Variants in HSPH1 observed in about 807,000 individuals in gnomAD.
HSPH1 encodes the protein heat shock protein family H (Hsp110) member 1.
Under a neutral mutation model 100.0 loss-of-function variants are expected in HSPH1, and 40 were observed. The ratio of observed to expected loss-of-function variants is 0.40; its 90% CI spans 0.31 to 0.52. HSPH1 has a LOEUF of 0.52. Among genes scored for constraint, HSPH1 ranks in the 20% least tolerant of loss-of-function variants. The probability of loss-of-function intolerance (pLI) is 0.54; values close to 1 mark genes in which losing one functional copy is unlikely to be tolerated. For synonymous variants in HSPH1, 403 were observed against 344.0 expected (o/e 1.17, Z -1.90); for missense variants, 876 against 1,015.1 (o/e 0.86, Z 1.86).
chr13:31,139,160 C>A, intron 14 of HSPH1, 53 bp from the exon 15 acceptor site: 1 of 1,141,074 alleles, frequency 8.8e-7, no homozygotes, highest in Non-Finnish European at 1.3e-6. Context: ...GAATTTTTCA[C>A]AACAAAACAA....
intron 8 of HSPH1, 123 bp downstream of exon 8, chr13:31,149,831 G>T: frequency 1.4e-6 from 1 of 732,424 alleles, no homozygotes; most frequent in Non-Finnish European, 2.4e-6. Context: ...AGCTTTACGG[G>T]TTTGTTTAAA....
chr13:31,144,704 A>G (rs1415581233), intron 11 of HSPH1, among the ~76,000 whole-genome samples: 4 of 152,130 alleles, frequency 2.6e-5, no homozygotes, highest in Non-Finnish European at 4.4e-5. Flanking sequence ...TAAGGTCAAG[A>G]TTCTAAGATA....
In HSPH1 at chr13:31,158,836, AT is replaced by A; in HGVS notation, c.134del (p.Asn45IlefsTer43). On this transcript the variant is annotated frameshift_variant, in exon 2 of 18. Transcript: ENST00000320027. LOFTEE classifies it high-confidence loss of function. ...TTTTGGCTGCAACTCCGATTGTTCT[AT>A]TTTTTGATCCAAATGATATGACTGA... Reference protein sequence around the residue: ...TPSVISFGSKNRTIGVAAKNQ... With the variant: ...TPSVISFGSKXRTIGVAAKNQ... 1.2e-6 allele frequency: 2 copies of A among 1,604,194 alleles called. No individual in the cohort carries two copies. Among genetic ancestry groups the A allele is most frequent in the Non-Finnish European group, 1.7e-6 (2 of 1,171,112 alleles).
chr13:31,151,754 A>T lies in HSPH1; in HGVS notation c.530-12T>A. ...GTAATTCAAAGCAACTACAAAAAAT[A>T]AGTATGTTTCAATTCTTTGGTTCAC... On this transcript the variant is annotated splice_polypyrimidine_tract_variant and intron_variant, in intron 5 of 17. Coordinates refer to ENST00000320027, the MANE Select transcript of HSPH1 (RefSeq NM_006644.4). 6.3e-7 allele frequency: 1 copy of T among 1,597,116 alleles called. No homozygotes were observed. The highest frequency in any genetic ancestry group is 8.5e-7 in the Non-Finnish European group (1 of 1,173,658).
Position 31,151,715 on chromosome 13 carries a change from T to C in HSPH1, c.557A>G (p.Gln186Arg), listed in dbSNP as rs1273208636. Residue 186 changes from glutamine (Q) to arginine (R), a missense_variant, in exon 6 of 18, where the codon CAG (glutamine) becomes CGG (arginine). Physicochemically the swap from Gln to Arg is conservative, Grantham distance 43. Transcript: ENST00000320027. The part of the protein sequence containing the change: ...AVALNYGIYK[Q>R]DLPSLDEKPR... ...TTTCTCATCCAGGCTTGGGAGATCCTGCTTATAAATTCCGTAATTCAAAGC... is the reference window on the plus strand; with the variant it reads ...TTTCTCATCCAGGCTTGGGAGATCCCGCTTATAAATTCCGTAATTCAAAGC... 1.1e-5 allele frequency: 18 copies of C among 1,610,142 alleles called. No individual in the cohort carries two copies. The highest frequency in any genetic ancestry group is 1.5e-5 in the Non-Finnish European group (18 of 1,178,560).
chr13:31,137,585 G>A, intron 17 of HSPH1, 61 bp from the exon 18 acceptor site: 1 of 1,213,874 alleles, frequency 8.2e-7, no homozygotes, highest in Middle Eastern at 2.1e-4. Flanking sequence ...ATTTTCAACT[G>A]CTTCTCCACA....
Position 31,136,839 on chromosome 13 carries a change from A to C in HSPH1, c.*479T>G, listed in dbSNP as rs1955897310. ...TTGAATTTTTAATATCAAAGCAAAAAGTCATTTTCTCTTGGACAGAAATGG... is the reference window on the plus strand; with the variant it reads ...TTGAATTTTTAATATCAAAGCAAAACGTCATTTTCTCTTGGACAGAAATGG... On this transcript the variant is annotated 3_prime_UTR_variant, in exon 18 of 18. Coordinates refer to ENST00000320027, the MANE Select transcript of HSPH1 (RefSeq NM_006644.4). 1.1e-5 allele frequency: 2 copies of C among 188,150 alleles called. No individual in the cohort carries two copies. Among genetic ancestry groups the C allele is most frequent in the South Asian group, 2.2e-4 (2 of 9,154 alleles). 11.7% of individuals were successfully genotyped at this position (188,150 alleles called of 1,614,324 possible). A position where few individuals can be genotyped will look rare whatever the true frequency, so the allele number is the denominator to read the frequency against.
intron 2 of HSPH1, among the ~76,000 whole-genome samples, chr13:31,158,098 G>C (rs1956762704): frequency 6.6e-6 from 1 of 152,124 alleles, no homozygotes. Context: ...TAATTACTAA[G>C]TAACCTGAAA....
intron 4 of HSPH1, among the ~76,000 whole-genome samples, chr13:31,153,325 A>G (rs754491154): frequency 6.6e-6 from 1 of 152,226 alleles, no homozygotes; most frequent in Non-Finnish European, 1.5e-5. Flanking sequence ...GGAAATTATA[A>G]TGCTAGGTCA....
At chr13:31,143,057 G>T (rs1956152393) in intron 12 of HSPH1, among the ~76,000 whole-genome samples, 1 of 151,970 alleles carries the variant, frequency 6.6e-6, no homozygotes, top group African/African-American at 2.4e-5. Context: ...TTTGCCTGAG[G>T]ATAAAAAACT....
Position 31,161,867 on chromosome 13 carries a change from C to T in HSPH1, c.-285G>A. On this transcript the variant is annotated 5_prime_UTR_variant, in exon 1 of 18. Coordinates refer to ENST00000320027, the MANE Select transcript of HSPH1 (RefSeq NM_006644.4). ...TCGGGTTGCCTGCCTCACTCTGCCGCGGCTCGCACACCGGCGCCGGCGCTG... is the reference window on the plus strand; with the variant it reads ...TCGGGTTGCCTGCCTCACTCTGCCGTGGCTCGCACACCGGCGCCGGCGCTG... 1 of 1,484,084 alleles carries T rather than the reference C, an allele frequency of 6.7e-7. No homozygotes were observed. Among genetic ancestry groups the T allele is most frequent in the Non-Finnish European group, 8.9e-7 (1 of 1,118,942 alleles). The allele number at this position is 1,484,084 out of a possible 1,614,324, so 91.9% of individuals were successfully genotyped here.
chr13:31,142,534 G>A (rs1956132650), intron 12 of HSPH1, among the ~76,000 whole-genome samples: 1 of 152,116 alleles, frequency 6.6e-6, no homozygotes, highest in South Asian at 2.1e-4. Context: ...GAGAGCAACA[G>A]ATGTTGGGAA....
At chr13:31,159,299 T>C (rs1216683549) in intron 1 of HSPH1, among the ~76,000 whole-genome samples, 1 of 152,240 alleles carries the variant, frequency 6.6e-6, no homozygotes, top group East Asian at 1.9e-4. Flanking sequence ...CCGGCTTCTT[T>C]AGGAATCAAA....
chr13:31,139,378 G>A (rs1157123531), intron 14 of HSPH1, among the ~76,000 whole-genome samples: 2 of 152,124 alleles, frequency 1.3e-5, no homozygotes, highest in Admixed American at 6.5e-5. Flanking sequence ...GTAACTTTTT[G>A]TTGACTTACA....
chr13:31,160,855 G>C (rs1158972195), intron 1 of HSPH1, among the ~76,000 whole-genome samples: 1 of 152,210 alleles, frequency 6.6e-6, no homozygotes, highest in Non-Finnish European at 1.5e-5. Flanking sequence ...GCAACGAAGA[G>C]ACTGGGTAAA....
rs1352847870 is a variant in HSPH1, at chr13:31,144,027, T to G, written c.1585-104A>C. On this transcript the variant is annotated intron_variant, in intron 11 of 17. Coordinates refer to ENST00000320027, the MANE Select transcript of HSPH1 (RefSeq NM_006644.4). ...GAAAGTACACTCAATTTCTGAAATCTTAACAGGTGGGGAGAAAAGGTACTG... is the reference window on the plus strand; with the variant it reads ...GAAAGTACACTCAATTTCTGAAATCGTAACAGGTGGGGAGAAAAGGTACTG... 8 of 1,001,544 alleles carry G rather than the reference T, an allele frequency of 8.0e-6. No homozygotes were observed. The African/African-American group carries it at 1.3e-4, about 17-fold the overall frequency. The allele number at this position is 1,001,544 out of a possible 1,614,324, so 62.0% of individuals were successfully genotyped here.
chr13:31,161,760 A>C lies in HSPH1; in HGVS notation c.-178T>G. On this transcript the variant is annotated 5_prime_UTR_variant, in exon 1 of 18. Coordinates refer to ENST00000320027, the MANE Select transcript of HSPH1 (RefSeq NM_006644.4). The stretch of plus-strand genomic sequence containing the variant: ...AGCCGCGGCCTGTCAGGAGCCTCCT[A>C]CTCCCCCGGGGACAGCGGCGGCTGG... 2 of 1,525,260 alleles carry C rather than the reference A, an allele frequency of 1.3e-6. No homozygotes were observed. Among genetic ancestry groups the C allele is most frequent in the South Asian group, 2.4e-5 (2 of 83,006 alleles). 94.5% of individuals were successfully genotyped at this position (1,525,260 alleles called of 1,614,324 possible). A position where few individuals can be genotyped will look rare whatever the true frequency, so the allele number is the denominator to read the frequency against.
intron 2 of HSPH1, among the ~76,000 whole-genome samples, chr13:31,158,538 G>C (rs991863676): frequency 1.8e-5 from 2 of 111,120 alleles, no homozygotes; most frequent in Admixed American, 1.2e-4. Flanking sequence ...AACAGAGCGA[G>C]ACTCTATCTC....
In HSPH1 at chr13:31,151,038, G is replaced by A; in HGVS notation, c.817C>T (p.Leu273=). The change falls in exon 7 of 18, where the codon CTG becomes TTG. Residue 273 remains leucine (L), a synonymous_variant. Coordinates refer to ENST00000320027, the MANE Select transcript of HSPH1 (RefSeq NM_006644.4). Reference sequence around the variant, plus strand: ...CTGTTAGAGCTCATTAGCTTTTTCAGTTTTTCACATTCCTGATACAGACGT... The same window carrying A: ...CTGTTAGAGCTCATTAGCTTTTTCAATTTTTCACATTCCTGATACAGACGT... ...LLRLYQECEK[L]KKLMSSNSTD... is the part of the protein sequence containing the mutation. 1 of 1,613,772 alleles carries A rather than the reference G, an allele frequency of 6.2e-7. No individual in the cohort carries two copies. The highest frequency in any genetic ancestry group is 2.2e-5 in the East Asian group (1 of 44,864).
Sources: gnomAD v4.1 joint callset for allele counts (sites outside exome capture counted in the v4.1 genomes callset) on GRCh38, gnomAD v4.1.1 for gene constraint, MANE v1.5 for transcripts, NCBI Gene and HGNC (gene_info 2026-07-23, HGNC 2026-07-21) for gene names.